The following GRID2 variants were observed in gnomAD, a reference collection of about 807,000 sequenced individuals.
GRID2 encodes the protein glutamate receptor ionotropic, delta-2.
A neutral mutation model predicts 114.8 loss-of-function variants in GRID2; 33 were observed. That is an observed-to-expected ratio of 0.29 (90% CI 0.22 to 0.38). The LOEUF (loss-of-function observed/expected upper bound fraction) is 0.38, where lower values mean the gene tolerates loss of function less well. GRID2 is among the 10% of genes least tolerant of loss of function. The pLI, the probability that GRID2 is intolerant of heterozygous loss-of-function variation, is 1.00. For missense variants in GRID2, 1,184 were observed against 1,257.7 expected (o/e 0.94, Z 0.89); for synonymous variants, 505 against 449.9 (o/e 1.12, Z -1.55).
chr4:93,437,013 C>A (rs1217375991), intron 10 of GRID2, among the ~76,000 whole-genome samples: 5 of 151,990 alleles, frequency 3.3e-5, no homozygotes, highest in African/African-American at 1.2e-4. Flanking sequence ...TGTTGTATTT[C>A]ATAATAAAGT....
intron 13 of GRID2, among the ~76,000 whole-genome samples, chr4:93,612,460 T>C (rs1741052439): frequency 7.4e-6 from 1 of 134,480 alleles, no homozygotes; most frequent in Admixed American, 7.4e-5. Flanking sequence ...CGGTTGTTCC[T>C]TTCCATGTTT....
At chr4:93,364,710 C>A (rs1762179349) in intron 8 of GRID2, among the ~76,000 whole-genome samples, 1 of 152,044 alleles carries the variant, frequency 6.6e-6, no homozygotes, top group Non-Finnish European at 1.5e-5. Context: ...AATTTGGGGC[C>A]TCGAGTGATC....
At chr4:93,727,509 T>A (rs551547579) in intron 14 of GRID2, among the ~76,000 whole-genome samples, 39 of 152,326 alleles carry the variant, frequency 2.6e-4, no homozygotes, top group African/African-American at 7.7e-4. Flanking sequence ...ATAAAATGAG[T>A]TACGGAGGAT....
rs1475119475 is a variant in GRID2, at chr4:93,496,131, A to AC, written c.1997+5354_1997+5355insC. ...TTTTTTCCTGATTGTAAAAAAAAAA[A>AC]AAAACAGGCTGTTTTGAGAAAATAG... On this transcript the variant is annotated intron_variant, in intron 12 of 15. Coordinates refer to ENST00000282020, the MANE Select transcript of GRID2 (RefSeq NM_001510.4). Among the ~76,000 whole-genome samples the AC allele has an allele frequency of 3.8e-4, 57 of 151,778 alleles. No individual in the cohort carries two copies. In the East Asian group the frequency reaches 8.6e-3, roughly 23 times the overall value.
chr4:93,571,394 G>T (rs1011519680), intron 13 of GRID2, among the ~76,000 whole-genome samples: 1 of 152,038 alleles, frequency 6.6e-6, no homozygotes, highest in Non-Finnish European at 1.5e-5. Flanking sequence ...AATTATGTAA[G>T]TATGTATTAT....
At chr4:92,915,735 C>A (rs1033364895) in intron 2 of GRID2, among the ~76,000 whole-genome samples, 5 of 152,068 alleles carry the variant, frequency 3.3e-5, no homozygotes, top group African/African-American at 1.2e-4. Flanking sequence ...TCTGTTATTT[C>A]TGACTTTTTA....
intron 9 of GRID2, among the ~76,000 whole-genome samples, chr4:93,414,670 T>C (rs544390184): frequency 3.5e-5 from 5 of 143,548 alleles, no homozygotes; most frequent in African/African-American, 1.1e-4. Flanking sequence ...GCACCTATCA[T>C]CACCATCTGA....
chr4:93,052,268 C>T (rs1317470807), intron 2 of GRID2, among the ~76,000 whole-genome samples: 4 of 151,908 alleles, frequency 2.6e-5, no homozygotes, highest in South Asian at 2.1e-4. Flanking sequence ...CTGTATTCAT[C>T]ACTATCTGCT....
intron 1 of GRID2, among the ~76,000 whole-genome samples, chr4:92,586,437 G>A (rs1728454347): frequency 6.6e-6 from 1 of 150,760 alleles, no homozygotes; most frequent in Non-Finnish European, 1.5e-5. Context: ...TAGGTTAAAA[G>A]AAGAAATTTG....
chr4:93,333,683 G>A (rs538042111), intron 8 of GRID2, among the ~76,000 whole-genome samples: 60 of 152,218 alleles, frequency 3.9e-4, no homozygotes, highest in African/African-American at 1.3e-3. Flanking sequence ...TTTTCATTGT[G>A]CATTATCTTT....
At chr4:92,954,465 C>T (rs1272890800) in intron 2 of GRID2, among the ~76,000 whole-genome samples, 1 of 151,886 alleles carries the variant, frequency 6.6e-6, no homozygotes, top group African/African-American at 2.4e-5. Flanking sequence ...CTCACTCTGT[C>T]GCCCAGACTG....
chr4:93,054,511 T>C (rs1471682505), intron 2 of GRID2, among the ~76,000 whole-genome samples: 1 of 151,866 alleles, frequency 6.6e-6, no homozygotes, highest in African/African-American at 2.4e-5. Context: ...ATTTGCTGAT[T>C]TGTTGACAAA....
rs370059377 is a variant in GRID2 at position 93,719,947 on chromosome 4, A to T, written c.2361-49263A>T. Among the ~76,000 whole-genome samples, 4 of 152,234 alleles carry T rather than the reference A, an allele frequency of 2.6e-5. No homozygotes were observed. The East Asian group carries it at 5.8e-4, about 22-fold the overall frequency. On this transcript the variant is annotated intron_variant, in intron 14 of 15. Transcript: ENST00000282020. ...TTGCAGAATTCTCTCCCTGGTCTCA[A>T]GCTGCTGTCTCTATTCTTAAACTAT...
At chr4:93,747,910 G>A (rs1387150707) in intron 14 of GRID2, among the ~76,000 whole-genome samples, 7 of 151,628 alleles carry the variant, frequency 4.6e-5, no homozygotes, top group Admixed American at 2.0e-4. Flanking sequence ...TTCTCACATC[G>A]TCACCATGAG....
At chr4:93,115,082 C>G (rs1375997890) in intron 4 of GRID2, among the ~76,000 whole-genome samples, 2 of 145,890 alleles carry the variant, frequency 1.4e-5, no homozygotes, top group South Asian at 2.2e-4. Context: ...CAGAATGTGT[C>G]TGTGTGTGCT....
intron 2 of GRID2, among the ~76,000 whole-genome samples, chr4:93,032,871 T>G (rs1724565599): frequency 6.6e-6 from 1 of 152,120 alleles, no homozygotes; most frequent in Admixed American, 6.5e-5. Context: ...TGAGCTACAC[T>G]CTATGAAAGA....
chr4:93,476,956 C>G (rs1240476135), intron 11 of GRID2, among the ~76,000 whole-genome samples: 1 of 152,120 alleles, frequency 6.6e-6, no homozygotes, highest in Non-Finnish European at 1.5e-5. Flanking sequence ...AGACATGTGG[C>G]AGACTGGCTG....
rs201198597 is a variant in GRID2, at chr4:92,614,943, G to GT, written c.244+24669dup. Among the ~76,000 whole-genome samples, 1,396 of 139,826 alleles carry GT rather than the reference G, an allele frequency of 1.0e-2. 18 individuals are homozygous for GT. Among genetic ancestry groups the GT allele is most frequent in the South Asian group, 0.04 (181 of 4,492 alleles). 91.7% of individuals were successfully genotyped at this position (139,826 alleles called of 152,430 possible). On this transcript the variant is annotated intron_variant, in intron 2 of 15. Transcript: ENST00000282020. ...AATTTAGTCTTTTATACTTTGCTAT[G>GT]TTTTTTTTTTTTCTTTTAGTAACCT...
intron 2 of GRID2, among the ~76,000 whole-genome samples, chr4:92,843,006 A>G (rs1184792999): frequency 6.6e-6 from 1 of 152,174 alleles, no homozygotes; most frequent in African/African-American, 2.4e-5. Context: ...TGGCAGGCCA[A>G]GGCTGGAGGA....
Sources: gnomAD v4.1 joint callset for allele counts (sites outside exome capture counted in the v4.1 genomes callset) on GRCh38, gnomAD v4.1.1 for gene constraint, MANE v1.5 for transcripts, NCBI Gene and HGNC (gene_info 2026-07-23, HGNC 2026-07-21) for gene names.